The following ARIH2 variants were observed in gnomAD, a reference collection of about 807,000 sequenced individuals.
ARIH2 encodes the protein E3 ubiquitin-protein ligase ARIH2.
In ARIH2, 12 loss-of-function variants were observed where a neutral mutation model predicts 79.8. The ratio of observed to expected loss-of-function variants is 0.15; its 90% CI spans 0.10 to 0.24. The LOEUF (loss-of-function observed/expected upper bound fraction) is 0.24, where lower values mean the gene tolerates loss of function less well. ARIH2 is among the 10% of genes least tolerant of loss of function. The pLI is 1.00. For missense variants in ARIH2, 301 were observed against 618.3 expected (o/e 0.49, Z 5.44); for synonymous variants, 224 against 213.9 (o/e 1.05, Z -0.41).
At chr3:48,940,327 AAAAAAGATAGATAGATAGATTGATTTT>A (rs949908902) in intron 3 of ARIH2, among the ~76,000 whole-genome samples, 6 of 152,094 alleles carry the variant, frequency 3.9e-5, no homozygotes, top group African/African-American at 1.2e-4. Context: ...CCCAGATTTT[AAAAAAGATAGATAGATAGATTGATTTT>A]AAAAAGATAG....
At chr3:48,928,972 C>G (rs1164254721) in intron 3 of ARIH2, among the ~76,000 whole-genome samples, 1 of 152,124 alleles carries the variant, frequency 6.6e-6, no homozygotes, top group Non-Finnish European at 1.5e-5. Context: ...CTGCTGGACC[C>G]CTGCCTCCAG....
At chr3:48,981,841 A>G (rs2092762870) in intron 14 of ARIH2, 113 bp downstream of exon 14, 2 of 778,966 alleles carry the variant, frequency 2.6e-6, no homozygotes, top group Non-Finnish European at 4.2e-6. Context: ...GGGCAAAGTT[A>G]AAACAAAACT....
intron 3 of ARIH2, among the ~76,000 whole-genome samples, chr3:48,948,142 T>G (rs2089454916): frequency 6.6e-6 from 1 of 151,990 alleles, no homozygotes; most frequent in African/African-American, 2.4e-5. Context: ...TTTATATTTT[T>G]AGTAGAGATG....
At chr3:48,934,920 A>T (rs541238692) in intron 3 of ARIH2, 1 of 985,184 alleles carries the variant, frequency 1.0e-6, no homozygotes, top group Non-Finnish European at 1.2e-6. Flanking sequence ...CTCAGGAAAC[A>T]TGGAAGTCAT....
At chr3:48,979,711 G>A (rs2092683271) in intron 12 of ARIH2, 78 bp downstream of exon 12, 4 of 1,519,454 alleles carry the variant, frequency 2.6e-6, no homozygotes, top group Non-Finnish European at 3.6e-6. Context: ...CCCAGGGACT[G>A]GTAGACAGAG....
chr3:48,922,233 A>G (rs1317759218), intron 1 of ARIH2: 3 of 152,124 alleles, frequency 2.0e-5, no homozygotes, highest in Non-Finnish European at 4.4e-5. Flanking sequence ...CAAACAAACA[A>G]AAAAAAGAAG....
At position 48,981,309 on chromosome 3, in the gene ARIH2, G is replaced by A. The variant is rs571070199; in HGVS notation, c.1258-351G>A. Among the ~76,000 whole-genome samples the A allele has an allele frequency of 7.1e-4, 107 of 151,680 alleles. 1 individual carries two copies. Among genetic ancestry groups the A allele is most frequent in the African/African-American group, 2.3e-3 (97 of 41,336 alleles). ...ATTGCACCACTGCACTCCAGCCTGG[G>A]CAACAGAACAAAACCTTGTTTCAAA... is the stretch of plus-strand genomic sequence containing the variant. On this transcript the variant is annotated intron_variant, in intron 13 of 15. Coordinates refer to ENST00000356401, the MANE Select transcript of ARIH2 (RefSeq NM_006321.4).
Position 48,973,821 on chromosome 3 carries a change from G to C in ARIH2, c.888+5G>C. The C allele has an allele frequency of 6.2e-7, 1 of 1,605,396 alleles. No homozygotes were observed. Among genetic ancestry groups the C allele is most frequent in the Non-Finnish European group, 8.5e-7 (1 of 1,172,226 alleles). On this transcript the variant is annotated splice_donor_5th_base_variant and intron_variant, in intron 9 of 15. Transcript: ENST00000356401. ...ATTAGTGCTCACACTAAAGACGTAA[G>C]GACCGTATTTTACCTCTCATGGATT...
At chr3:48,973,377 A>G (rs1319222936) in intron 8 of ARIH2, among the ~76,000 whole-genome samples, 1 of 152,186 alleles carries the variant, frequency 6.6e-6, no homozygotes, top group Non-Finnish European at 1.5e-5. Context: ...GGAGATCGAG[A>G]CCATCCTGGC....
chr3:48,959,576 G>A (rs2091015088), intron 3 of ARIH2, among the ~76,000 whole-genome samples: 1 of 149,002 alleles, frequency 6.7e-6, no homozygotes, highest in East Asian at 2.0e-4. Context: ...GGCCGAGGCG[G>A]GCGGATCACG....
chr3:48,982,268 T>G (rs1254291156), intron 14 of ARIH2, among the ~76,000 whole-genome samples: 1 of 152,216 alleles, frequency 6.6e-6, no homozygotes, highest in Non-Finnish European at 1.5e-5. Flanking sequence ...ATAATCAAGG[T>G]TATATATAAC....
intron 2 of ARIH2, among the ~76,000 whole-genome samples, chr3:48,923,614 G>A (rs1373275661): frequency 1.3e-5 from 2 of 151,238 alleles, no homozygotes; most frequent in Non-Finnish European, 2.9e-5. Context: ...CTTTGCCTCC[G>A]GGGTTCAATC....
chr3:48,919,974 ATT>A (rs768780567), intron 1 of ARIH2, among the ~76,000 whole-genome samples: 180 of 135,320 alleles, frequency 1.3e-3, no homozygotes, highest in Non-Finnish European at 1.3e-3. Flanking sequence ...TCTGGAGGAA[ATT>A]TTTTTTTTTT....
intron 3 of ARIH2, among the ~76,000 whole-genome samples, chr3:48,945,397 G>A (rs2088974429): frequency 6.6e-6 from 1 of 152,188 alleles, no homozygotes; most frequent in Admixed American, 6.5e-5. Flanking sequence ...TTTAGCATGT[G>A]CCTTGATCCG....
chr3:48,981,252 A>C (rs1169993978), intron 13 of ARIH2, among the ~76,000 whole-genome samples: 2 of 151,224 alleles, frequency 1.3e-5, no homozygotes, highest in African/African-American at 4.9e-5. Context: ...GGATCGCTTG[A>C]GTCTGGGAGG....
chr3:48,919,422 T>C (rs1030977838), intron 1 of ARIH2: 1 of 343,570 alleles, frequency 2.9e-6, no homozygotes, highest in Non-Finnish European at 5.3e-6. Flanking sequence ...TCCGCGCGAA[T>C]ATCCCGGAGC....
intron 3 of ARIH2, among the ~76,000 whole-genome samples, chr3:48,930,429 C>T (rs1482987526): frequency 6.6e-6 from 1 of 152,110 alleles, no homozygotes; most frequent in African/African-American, 2.4e-5. Context: ...TTGCAGTGAG[C>T]TGAGATTGCC....
chr3:48,932,706 A>G (rs2086533636), intron 3 of ARIH2, among the ~76,000 whole-genome samples: 1 of 152,172 alleles, frequency 6.6e-6, no homozygotes, highest in Non-Finnish European at 1.5e-5. Context: ...TTTTTCTCCT[A>G]GTGCCCTCAT....
At chr3:48,942,419 A>G (rs1418731242) in intron 3 of ARIH2, among the ~76,000 whole-genome samples, 1 of 152,192 alleles carries the variant, frequency 6.6e-6, no homozygotes, top group Non-Finnish European at 1.5e-5. Context: ...CCAGTAAACA[A>G]GTACTTCCTG....
Sources: allele counts gnomAD v4.1 joint callset (sites outside exome capture counted in the v4.1 genomes callset), GRCh38; gene constraint gnomAD v4.1.1; transcripts MANE v1.5; gene names NCBI Gene and HGNC (gene_info 2026-07-23, HGNC 2026-07-21).